Variants in REEP3 observed in about 807,000 individuals in gnomAD.
REEP3 encodes the protein receptor accessory protein 3.
Under a neutral mutation model 41.3 loss-of-function variants are expected in REEP3, and 20 were observed. The ratio of observed to expected loss-of-function variants is 0.48; its 90% CI spans 0.34 to 0.70. The LOEUF (loss-of-function observed/expected upper bound fraction) is 0.70, where lower values mean the gene tolerates loss of function less well. Ranked by LOEUF, REEP3 falls within the 30% of genes least tolerant of loss-of-function variation. The probability of loss-of-function intolerance (pLI) is 0.01; values close to 1 mark genes in which losing one functional copy is unlikely to be tolerated. For missense variants in REEP3, 271 were observed against 308.8 expected (o/e 0.88, Z 0.92); for synonymous variants, 104 against 101.8 (o/e 1.02, Z -0.13).
intron 5 of REEP3, chr10:63,599,696 A>T (rs1311028608): frequency 2.0e-6 from 2 of 985,066 alleles, no homozygotes; most frequent in East Asian, 2.3e-4. Context: ...CTGCACCTCT[A>T]CTTCAATCAA....
At chr10:63,556,828 G>C (rs1350172257) in intron 1 of REEP3, among the ~76,000 whole-genome samples, 1 of 149,858 alleles carries the variant, frequency 6.7e-6, no homozygotes, top group Non-Finnish European at 1.5e-5. Context: ...GTAGAGACGG[G>C]GTTTCACCGT....
At chr10:63,536,752 G>A (rs1955478538) in intron 1 of REEP3, among the ~76,000 whole-genome samples, 1 of 152,096 alleles carries the variant, frequency 6.6e-6, no homozygotes, top group Non-Finnish European at 1.5e-5. Context: ...CATATAAAAA[G>A]ATAGACAAAA....
chr10:63,552,416 A>C (rs970716714), intron 1 of REEP3, among the ~76,000 whole-genome samples: 2 of 152,224 alleles, frequency 1.3e-5, no homozygotes, highest in African/African-American at 4.8e-5. Flanking sequence ...GTCTCAAAAA[A>C]AAAAGAAAGA....
At chr10:63,523,327 G>A (rs892446374) in intron 1 of REEP3, among the ~76,000 whole-genome samples, 1 of 152,182 alleles carries the variant, frequency 6.6e-6, no homozygotes, top group Non-Finnish European at 1.5e-5. Context: ...GGGAGATTAC[G>A]TTTCAGATGG....
At chr10:63,599,578 G>A in intron 5 of REEP3, 1 of 482,832 alleles carries the variant, frequency 2.1e-6, no homozygotes, top group Non-Finnish European at 2.7e-6. Context: ...TAAATCACCT[G>A]ATGTAAAGAT....
chr10:63,606,235 A>G (rs569583306), intron 5 of REEP3: 55 of 183,766 alleles, frequency 3.0e-4, no homozygotes, highest in Admixed American at 3.8e-4. Context: ...CGCTGTTTCC[A>G]TACAGCAGAC....
chr10:63,615,961 G>A (rs189555870), intron 6 of REEP3, among the ~76,000 whole-genome samples: 116 of 152,064 alleles, frequency 7.6e-4, no homozygotes, highest in East Asian at 1.4e-3. Flanking sequence ...CCCCACTTAC[G>A]CTCCCTTCCC....
chr10:63,606,256 C>CTTTTCTTTTTCTTTCTTTCT lies in REEP3; in HGVS notation c.418-3922_418-3903dup, dbSNP rs1165655742. On this transcript the variant is annotated intron_variant, in intron 5 of 7. Coordinates refer to ENST00000373758, the MANE Select transcript of REEP3 (RefSeq NM_001001330.3). ...TTCCATACAGCAGACTAGACTAGAA[C>CTTTTCTTTTTCTTTCTTTCT]TTTTCTTTTTCTTTCTTTCTTTTTC... The CTTTTCTTTTTCTTTCTTTCT allele has an allele frequency of 5.7e-5, 4 of 69,778 alleles. No homozygotes were observed. In the South Asian group the frequency reaches 1.7e-3, roughly 30 times the overall value. 4.3% of individuals were successfully genotyped at this position (69,778 alleles called of 1,614,324 possible).
chr10:63,620,602 T>C (rs1309057574), intron 7 of REEP3, among the ~76,000 whole-genome samples: 1 of 136,428 alleles, frequency 7.3e-6, no homozygotes, highest in African/African-American at 2.9e-5. Context: ...GTTTTTATGT[T>C]ATTAGTAATA....
intron 5 of REEP3, among the ~76,000 whole-genome samples, chr10:63,605,435 G>C (rs1296258357): frequency 6.6e-6 from 1 of 152,154 alleles, no homozygotes; most frequent in African/African-American, 2.4e-5. Flanking sequence ...ACAAGAAATA[G>C]AGCTTAGTGG....
chr10:63,620,964 T>C lies in REEP3; in HGVS notation c.*95T>C. The C allele has an allele frequency of 1.4e-6, 1 of 710,452 alleles. No homozygotes were observed. 44.0% of individuals were successfully genotyped at this position (710,452 alleles called of 1,614,324 possible). On this transcript the variant is annotated 3_prime_UTR_variant, in exon 8 of 8. Coordinates refer to ENST00000373758, the MANE Select transcript of REEP3 (RefSeq NM_001001330.3). ...ATTCAGGATTTACACATTAAAATGA[T>C]TATTTAAATTGTGGCAGTGATGGGG...
chr10:63,589,696 A>G (rs1198401094), intron 2 of REEP3, among the ~76,000 whole-genome samples: 6 of 151,042 alleles, frequency 4.0e-5, no homozygotes, highest in Non-Finnish European at 7.4e-5. Flanking sequence ...ATTTATAAAT[A>G]ATCCCTTTAG....
chr10:63,624,473 T>C lies in REEP3; in HGVS notation c.*3604T>C, dbSNP rs1956381205. 6.6e-6 allele frequency: 1 copy of C among 151,978 alleles called. No homozygotes were observed. Among genetic ancestry groups the C allele is most frequent in the African/African-American group, 2.4e-5 (1 of 41,412 alleles). 9.4% of individuals were successfully genotyped at this position (151,978 alleles called of 1,614,324 possible). A position where few individuals can be genotyped will look rare whatever the true frequency, so the allele number is the denominator to read the frequency against. On this transcript the variant is annotated 3_prime_UTR_variant, in exon 8 of 8. Coordinates refer to ENST00000373758, the MANE Select transcript of REEP3 (RefSeq NM_001001330.3). The stretch of plus-strand genomic sequence containing the variant: ...AGAAAATAAGTTTGCAGATTTTTAA[T>C]AATCTGTTTGTAAAAGGCTATCTCT...
At chr10:63,556,340 T>C (rs1477229361) in intron 1 of REEP3, among the ~76,000 whole-genome samples, 1 of 151,982 alleles carries the variant, frequency 6.6e-6, no homozygotes, top group Non-Finnish European at 1.5e-5. Flanking sequence ...CAGGCTGGTC[T>C]CGAACTCCTG....
intron 2 of REEP3, among the ~76,000 whole-genome samples, chr10:63,592,924 A>T (rs1956078737): frequency 1.3e-5 from 2 of 152,120 alleles, no homozygotes; most frequent in Admixed American, 1.3e-4. Context: ...AAACCTTATG[A>T]ATACAGCTGA....
chr10:63,602,115 A>G (rs1434572052), intron 5 of REEP3, among the ~76,000 whole-genome samples: 3 of 151,010 alleles, frequency 2.0e-5, no homozygotes, highest in African/African-American at 4.9e-5. Flanking sequence ...ATGAAAAAGG[A>G]AAAAAAAAGG....
chr10:63,600,900 T>A (rs1956166149), intron 5 of REEP3, among the ~76,000 whole-genome samples: 1 of 151,616 alleles, frequency 6.6e-6, no homozygotes, highest in Admixed American at 6.6e-5. Context: ...ACACATGTAA[T>A]CCCAGCACTT....
chr10:63,527,712 A>C (rs1484395439), intron 1 of REEP3, among the ~76,000 whole-genome samples: 1 of 152,046 alleles, frequency 6.6e-6, no homozygotes, highest in East Asian at 1.9e-4. Context: ...TTTTTAAAAA[A>C]AGGATAGTCT....
chr10:63,525,103 A>G (rs1459808121), intron 1 of REEP3, among the ~76,000 whole-genome samples: 1 of 152,220 alleles, frequency 6.6e-6, no homozygotes, highest in African/African-American at 2.4e-5. Flanking sequence ...CTTAAAACGT[A>G]ATAGATATAT....
Sources: allele counts gnomAD v4.1 joint callset (sites outside exome capture counted in the v4.1 genomes callset), GRCh38; gene constraint gnomAD v4.1.1; transcripts MANE v1.5; gene names NCBI Gene and HGNC (gene_info 2026-07-23, HGNC 2026-07-21).